SYNPR: variants seen among roughly 807,000 people sequenced by gnomAD.
SYNPR encodes synaptoporin.
Under a neutral mutation model 32.9 loss-of-function variants are expected in SYNPR, and 23 were observed. The ratio of observed to expected loss-of-function variants is 0.70; its 90% confidence interval spans 0.50 to 0.99. The LOEUF is 0.99. Ranked by LOEUF, SYNPR falls within the 50% of genes least tolerant of loss-of-function variation. SYNPR has a pLI of 0.00. For synonymous variants in SYNPR, 146 were observed against 135.9 expected (o/e 1.07, Z -0.52); for missense variants, 318 against 349.3 (o/e 0.91, Z 0.71).
intron 2 of SYNPR, among the ~76,000 whole-genome samples, chr3:63,259,081 A>G (rs1439843743): frequency 2.0e-5 from 3 of 152,192 alleles, no homozygotes; most frequent in Non-Finnish European, 4.4e-5. Context: ...GCAATAATTA[A>G]TATCTTACCA....
intron 2 of SYNPR, among the ~76,000 whole-genome samples, chr3:63,337,858 G>C (rs1560196909): frequency 6.6e-6 from 1 of 152,156 alleles, no homozygotes; most frequent in Non-Finnish European, 1.5e-5. Flanking sequence ...GAGGTTAATG[G>C]AAAGGAAGGG....
At chr3:63,380,810 T>C (rs2087958190) in intron 2 of SYNPR, among the ~76,000 whole-genome samples, 1 of 152,218 alleles carries the variant, frequency 6.6e-6, no homozygotes, top group Admixed American at 6.5e-5. Flanking sequence ...ACCACATGAT[T>C]ATCTCAATAG....
chr3:63,566,428 G>A (rs1012335828), intron 4 of SYNPR, among the ~76,000 whole-genome samples: 1 of 152,072 alleles, frequency 6.6e-6, no homozygotes, highest in Non-Finnish European at 1.5e-5. Context: ...CCTTTTTGAT[G>A]GTGAGGTAAA....
intron 2 of SYNPR, among the ~76,000 whole-genome samples, chr3:63,404,377 A>G (rs922970884): frequency 3.9e-5 from 6 of 152,226 alleles, no homozygotes; most frequent in Admixed American, 3.3e-4. Context: ...TACAACAATG[A>G]TAATAGTCTC....
At chr3:63,473,564 A>G (rs1700844494) in intron 2 of SYNPR, among the ~76,000 whole-genome samples, 1 of 152,242 alleles carries the variant, frequency 6.6e-6, no homozygotes, top group African/African-American at 2.4e-5. Context: ...ATTAAATAAT[A>G]CCAAACACAT....
At chr3:63,547,525 G>A (rs982920187) in intron 3 of SYNPR, among the ~76,000 whole-genome samples, 2 of 152,076 alleles carry the variant, frequency 1.3e-5, no homozygotes, top group Non-Finnish European at 2.9e-5. Flanking sequence ...TCCAATCAAC[G>A]TGAGTTTTTA....
At position 63,603,733 on chromosome 3, in the gene SYNPR, G is replaced by A. The variant is rs768210842; in HGVS notation, c.409-5392G>A. Among the ~76,000 whole-genome samples the A allele has an allele frequency of 2.6e-5, 4 of 152,262 alleles. 2 individuals carry two copies. In the Middle Eastern group the frequency reaches 0.014, roughly 521 times the overall value. On this transcript the variant is annotated intron_variant, in intron 4 of 5. Coordinates refer to ENST00000478300, the MANE Select transcript of SYNPR (RefSeq NM_001130003.2). ...TGAATTAGCTTTTTGATGTGCTGCT[G>A]GATTCAGTTTGCTAGTATTTTGTTG...
intron 3 of SYNPR, among the ~76,000 whole-genome samples, chr3:63,541,042 G>A (rs962865040): frequency 6.6e-6 from 1 of 151,434 alleles, no homozygotes; most frequent in African/African-American, 2.4e-5. Flanking sequence ...AGATGAACAT[G>A]TGACCTAATT....
chr3:63,429,694 T>C (rs1699957129), intron 2 of SYNPR, among the ~76,000 whole-genome samples: 1 of 152,234 alleles, frequency 6.6e-6, no homozygotes, highest in Admixed American at 6.5e-5. Flanking sequence ...ACAACATTGC[T>C]CTTTGCCAGA....
chr3:63,544,077 T>C (rs1482387309), intron 3 of SYNPR, among the ~76,000 whole-genome samples: 1 of 151,998 alleles, frequency 6.6e-6, no homozygotes, highest in Non-Finnish European at 1.5e-5. Flanking sequence ...GGAGAAGAGC[T>C]TTACACAGAG....
chr3:63,228,742 G>A (rs1257569641), intron 1 of SYNPR, among the ~76,000 whole-genome samples: 3 of 151,696 alleles, frequency 2.0e-5, no homozygotes, highest in African/African-American at 7.3e-5. Context: ...ACTCATTTAC[G>A]GGTGTTTTAC....
intron 5 of SYNPR, among the ~76,000 whole-genome samples, chr3:63,614,097 A>G (rs532111746): frequency 3.2e-4 from 48 of 152,290 alleles, no homozygotes; most frequent in Admixed American, 7.8e-4. Flanking sequence ...ATAGATATTG[A>G]CCCAGCAAAG....
intron 1 of SYNPR, among the ~76,000 whole-genome samples, chr3:63,243,087 T>C (rs535250096): frequency 2.6e-5 from 4 of 152,196 alleles, no homozygotes; most frequent in African/African-American, 9.6e-5. Context: ...AGACAGCATC[T>C]AATATATGTC....
At chr3:63,271,711 C>T (rs113747010) in intron 3 of SYNPR, among the ~76,000 whole-genome samples, 4 of 151,852 alleles carry the variant, frequency 2.6e-5, no homozygotes, top group Non-Finnish European at 5.9e-5. Flanking sequence ...AAAAACTCTG[C>T]CAAAGCTCAA....
intron 4 of SYNPR, among the ~76,000 whole-genome samples, chr3:63,606,584 C>A (rs1700127024): frequency 6.6e-6 from 1 of 151,732 alleles, no homozygotes; most frequent in East Asian, 1.9e-4. Flanking sequence ...TCATGCCCCA[C>A]CATGTCCAGC....
At chr3:63,578,257 A>T (rs1209979218) in intron 4 of SYNPR, among the ~76,000 whole-genome samples, 1 of 152,176 alleles carries the variant, frequency 6.6e-6, no homozygotes, top group Non-Finnish European at 1.5e-5. Context: ...TTTACAAGCC[A>T]TGTTACTTAC....
the SYNPR span, among the ~76,000 whole-genome samples, chr3:63,205,123 C>T: frequency 6.6e-6 from 1 of 152,106 alleles, no homozygotes; most frequent in South Asian, 2.1e-4. Context: ...ACAGACCTTG[C>T]CAGACTTGTA....
upstream of SYNPR, among the ~76,000 whole-genome samples, chr3:63,277,053 T>C (rs1295750964): frequency 6.6e-6 from 1 of 152,136 alleles, no homozygotes; most frequent in Non-Finnish European, 1.5e-5. Flanking sequence ...GACATATCAC[T>C]ACTTGATGTA....
intron 3 of SYNPR, among the ~76,000 whole-genome samples, chr3:63,551,648 T>C (rs902422977): frequency 7.2e-5 from 11 of 152,198 alleles, no homozygotes; most frequent in African/African-American, 2.7e-4. Flanking sequence ...AGTATCTCAT[T>C]GTGCTTTCTT....
Sources: gnomAD v4.1 joint callset for allele counts (sites outside exome capture counted in the v4.1 genomes callset) on GRCh38, gnomAD v4.1.1 for gene constraint, MANE v1.5 for transcripts, NCBI Gene and HGNC (gene_info 2026-07-23, HGNC 2026-07-21) for gene names.